Variants in SLC31A1 observed in about 807,000 individuals in gnomAD.
SLC31A1 encodes high affinity copper uptake protein 1.
Under a neutral mutation model 17.2 loss-of-function variants are expected in SLC31A1, and 5 were observed. The ratio of observed to expected loss-of-function variants is 0.29; its 90% confidence interval spans 0.15 to 0.61. SLC31A1 has a LOEUF of 0.61. Among genes scored for constraint, SLC31A1 ranks in the 20% least tolerant of loss-of-function variants. The probability of loss-of-function intolerance (pLI) is 0.86; values close to 1 mark genes in which losing one functional copy is unlikely to be tolerated. For synonymous variants in SLC31A1, 76 were observed against 78.8 expected, an observed-to-expected ratio of 0.96 and a Z score of 0.19; for missense variants, 161 against 241.4, an observed-to-expected ratio of 0.67 and a Z score of 2.21.
At position 113,260,580 on chromosome 9, in the gene SLC31A1, T is replaced by TGACACACACAC; in HGVS notation, c.*107_*108insGACACACACAC. ...CCCTTCTTGCTCCTCTTTGTGCACG[T>TGACACACACAC]ACACACACACACACACACACACACA... On this transcript the variant is annotated 3_prime_UTR_variant, in exon 5 of 5. Transcript: ENST00000374212. 1 of 630,674 alleles carries TGACACACACAC rather than the reference T, an allele frequency of 1.6e-6. No individual in the cohort carries two copies. The highest frequency in any genetic ancestry group is 2.9e-6 in the Non-Finnish European group (1 of 348,474). The allele number at this position is 630,674 out of a possible 1,614,324, so 39.1% of individuals were successfully genotyped here.
At chr9:113,253,873 CT>C (rs1412869637) in intron 1 of SLC31A1, among the ~76,000 whole-genome samples, 2 of 151,366 alleles carry the variant, frequency 1.3e-5, no homozygotes, top group African/African-American at 4.9e-5. Flanking sequence ...CTTAAGCCAG[CT>C]GTCATAGAAC....
rs182823899 is a variant in SLC31A1 at position 113,228,465 on chromosome 9, T to A, written c.-36+6787T>A. Among the ~76,000 whole-genome samples the A allele has an allele frequency of 4.6e-5, 7 of 152,344 alleles. No homozygotes were observed. In the East Asian group the frequency reaches 1.3e-3, roughly 29 times the overall value. ...ACATAACTAAAAGACCTTTTCAGTT[T>A]GTTTGTTTGACATATCAAATTTGAG... is the stretch of plus-strand genomic sequence containing the variant. On this transcript the variant is annotated intron_variant, in intron 1 of 4. Coordinates refer to ENST00000374212, the MANE Select transcript of SLC31A1 (RefSeq NM_001859.4).
intron 1 of SLC31A1, among the ~76,000 whole-genome samples, chr9:113,247,494 A>G (rs1170703607): frequency 1.3e-5 from 2 of 152,190 alleles, no homozygotes; most frequent in African/African-American, 2.4e-5. Context: ...CCAATACTCA[A>G]TGCTAAGACT....
rs753751815 is a variant in SLC31A1, at chr9:113,258,824, A to G, written c.333A>G (p.Pro111=). 1 of 1,614,128 alleles carries G rather than the reference A, an allele frequency of 6.2e-7. No individual in the cohort carries two copies. The highest frequency in any genetic ancestry group is 1.3e-5 in the African/African-American group (1 of 74,952). ...IRYNSMPVPG[P]NGTILMETHK... is the part of the protein sequence containing the mutation. The stretch of plus-strand genomic sequence containing the variant: ...ACAATTCCATGCCTGTCCCAGGACC[A>G]AATGGAACCATCCTTATGGAGACAC... The change falls in exon 4 of 5, where the codon CCA becomes CCG. Residue 111 remains proline, a synonymous_variant. Transcript: ENST00000374212. The surrounding 1 kb of genome is among the most constrained non-coding windows in gnomAD (Gnocchi z 4.8).
chr9:113,253,286 T>A (rs1313428684), intron 1 of SLC31A1, among the ~76,000 whole-genome samples: 1 of 152,116 alleles, frequency 6.6e-6, no homozygotes, highest in Non-Finnish European at 1.5e-5. Context: ...ATTTGTTTGG[T>A]TCAATATCAT....
At chr9:113,227,209 C>T (rs1052980420) in intron 1 of SLC31A1, 4 of 152,048 alleles carry the variant, frequency 2.6e-5, no homozygotes, top group African/African-American at 9.7e-5. Flanking sequence ...TTTACTGCCA[C>T]ACCATACAGC....
At chr9:113,223,218 C>T (rs962562726) in intron 1 of SLC31A1, 6 of 451,832 alleles carry the variant, frequency 1.3e-5, no homozygotes, top group African/African-American at 2.0e-5. Flanking sequence ...AACATGCATA[C>T]GCAGATTATC....
In SLC31A1 at chr9:113,258,120, A is replaced by G. The variant is rs1831748280; in HGVS notation, c.203-574A>G. ...CATCTGTTTGTGTCTATTATGTTGT[A>G]TGGTATACTTTAAATTTAACTTGCG... On this transcript the variant is annotated intron_variant, in intron 3 of 4. Coordinates refer to ENST00000374212, the MANE Select transcript of SLC31A1 (RefSeq NM_001859.4). The surrounding 1 kb of genome is among the most constrained non-coding windows in gnomAD (Gnocchi z 4.8). Among the ~76,000 whole-genome samples the G allele has an allele frequency of 6.6e-6, 1 of 152,174 alleles. No individual in the cohort carries two copies. The highest frequency in any genetic ancestry group is 6.5e-5 in the Admixed American group (1 of 15,270).
intron 1 of SLC31A1, among the ~76,000 whole-genome samples, chr9:113,247,846 A>G (rs1247227885): frequency 6.6e-6 from 1 of 152,238 alleles, no homozygotes; most frequent in South Asian, 2.1e-4. Flanking sequence ...AAGTTGGCAC[A>G]TAGCCAACTT....
intron 4 of SLC31A1, among the ~76,000 whole-genome samples, 161 bp downstream of exon 4, chr9:113,259,023 G>C (rs146936453): frequency 2.0e-5 from 3 of 152,208 alleles, no homozygotes; most frequent in Admixed American, 2.0e-4. Flanking sequence ...GTCATGAGCA[G>C]GCCAAAGGAG....
At chr9:113,256,303 AG>A in intron 2 of SLC31A1, 26 bp downstream of exon 2, 1 of 1,613,306 alleles carries the variant, frequency 6.2e-7, no homozygotes, top group Non-Finnish European at 8.5e-7. Context: ...GGGGCAATGC[AG>A]GCCCTTTCCC....
intron 4 of SLC31A1, among the ~76,000 whole-genome samples, chr9:113,259,649 A>G (rs1440277251): frequency 7.3e-6 from 1 of 136,800 alleles, no homozygotes; most frequent in East Asian, 2.1e-4. Flanking sequence ...CAGTGGCACT[A>G]TCTTGGCTCA....
rs538113125 is a variant in SLC31A1 at position 113,261,181 on chromosome 9, G to C, written c.*708G>C. The C allele has an allele frequency of 3.3e-5, 5 of 153,360 alleles. No individual in the cohort carries two copies. Among genetic ancestry groups the C allele is most frequent in the Admixed American group, 2.6e-4 (4 of 15,480 alleles). The allele number at this position is 153,360 out of a possible 1,614,324, so 9.5% of individuals were successfully genotyped here. A position where few individuals can be genotyped will look rare whatever the true frequency, so the allele number is the denominator to read the frequency against. On this transcript the variant is annotated 3_prime_UTR_variant, in exon 5 of 5. Transcript: ENST00000374212. ...GAAGGCTGAGGCAGGAGAATCACTT[G>C]AACCTAGGAGGCGGAGGTTGCAGTG...
intron 1 of SLC31A1, among the ~76,000 whole-genome samples, chr9:113,241,972 G>A (rs564413709): frequency 5.3e-5 from 8 of 152,172 alleles, no homozygotes; most frequent in Non-Finnish European, 1.0e-4. Flanking sequence ...AGAGGATCAC[G>A]AGGTCAGGAG....
At chr9:113,253,055 G>C (rs368116705) in intron 1 of SLC31A1, among the ~76,000 whole-genome samples, 13 of 146,890 alleles carry the variant, frequency 8.9e-5, no homozygotes, top group African/African-American at 3.3e-4. Context: ...CCGGGTTCAC[G>C]CCATTCTCCT....
rs1200912397 is a variant in SLC31A1, at chr9:113,258,373, C to A, written c.203-321C>A. On this transcript the variant is annotated intron_variant, in intron 3 of 4. Transcript: ENST00000374212. The surrounding 1 kb of genome is among the most constrained non-coding windows in gnomAD (Gnocchi z 4.8). ...CTGATGAAACTAAATTGTTTTATTC[C>A]CTGTTCCATATTCTACATTGTGTGT... 6.6e-6 allele frequency among the ~76,000 whole-genome samples: 1 copy of A among 152,112 alleles called. No individual in the cohort carries two copies. Among genetic ancestry groups the A allele is most frequent in the East Asian group, 1.9e-4 (1 of 5,200 alleles).
At position 113,245,849 on chromosome 9, in the gene SLC31A1, G is replaced by A. The variant is rs781203810; in HGVS notation, c.-35-10265G>A. On this transcript the variant is annotated intron_variant, in intron 1 of 4. Transcript: ENST00000374212. ...GGGTTTCCTCATGTTGCCCAGGCGG[G>A]TCTGAAACTCCTGGGCTTAAGCGAT... is the stretch of plus-strand genomic sequence containing the variant. 2.4e-4 allele frequency among the ~76,000 whole-genome samples: 37 copies of A among 152,122 alleles called. 1 individual carries two copies. Among genetic ancestry groups the A allele is most frequent in the Non-Finnish European group, 1.2e-4 (8 of 67,994 alleles).
chr9:113,262,744 A>C lies in SLC31A1; in HGVS notation c.*2271A>C, dbSNP rs10759637. On this transcript the variant is annotated 3_prime_UTR_variant, in exon 5 of 5. Transcript: ENST00000374212. ...AAAGGTATAATACAGCCTGTTGTCT[A>C]AAGCCAAGGAGTCATAAAACCATGA... 72,162 of 152,490 alleles carry C rather than the reference A, an allele frequency of 0.47. 17,438 individuals are homozygous for C. The highest frequency in any genetic ancestry group is 0.59 in the South Asian group (2,840 of 4,826). 9.4% of individuals were successfully genotyped at this position (152,490 alleles called of 1,614,324 possible).
chr9:113,236,199 G>T (rs1237148608), intron 1 of SLC31A1, among the ~76,000 whole-genome samples: 1 of 152,128 alleles, frequency 6.6e-6, no homozygotes, highest in African/African-American at 2.4e-5. Flanking sequence ...TGTTGGCCAG[G>T]CTGGTCTCAG....
Sources: allele counts gnomAD v4.1 joint callset (sites outside exome capture counted in the v4.1 genomes callset), GRCh38; gene constraint gnomAD v4.1.1; non-coding constraint Gnocchi (gnomAD v3.1); transcripts MANE v1.5; gene names NCBI Gene and HGNC (gene_info 2026-07-23, HGNC 2026-07-21).